The following NEGR1 variants were observed in gnomAD, a reference collection of about 807,000 sequenced individuals.
The protein encoded by NEGR1 is IgLON family member 4.
Under a neutral mutation model 40.9 loss-of-function variants are expected in NEGR1, and 10 were observed. The observed-to-expected ratio is 0.24, with a 90% CI of 0.15 to 0.42. NEGR1 has a LOEUF of 0.42. NEGR1 is among the 10% of genes least tolerant of loss of function. The pLI, the probability that NEGR1 is intolerant of heterozygous loss-of-function variation, is 1.00. For missense variants in NEGR1, 352 were observed against 438.9 expected, an observed-to-expected ratio of 0.80 and a Z score of 1.77; for synonymous variants, 185 against 166.8, an observed-to-expected ratio of 1.11 and a Z score of -0.84.
At chr1:71,745,869 T>C (rs1051977873) in intron 3 of NEGR1, among the ~76,000 whole-genome samples, 2 of 152,186 alleles carry the variant, frequency 1.3e-5, no homozygotes, top group Non-Finnish European at 2.9e-5. Flanking sequence ...TAATCTTGCA[T>C]CCTGCCTTTC....
chr1:71,695,886 T>C (rs1039875127), intron 4 of NEGR1, among the ~76,000 whole-genome samples: 4 of 151,820 alleles, frequency 2.6e-5, no homozygotes, highest in African/African-American at 9.7e-5. Context: ...GCTGCCATTA[T>C]ATATTTTTTT....
intron 1 of NEGR1, among the ~76,000 whole-genome samples, chr1:72,198,042 G>C (rs1028739303): frequency 5.9e-5 from 9 of 152,022 alleles, no homozygotes; most frequent in African/African-American, 2.2e-4. Context: ...GCTCTCTCCT[G>C]GTTGCTGAAA....
At chr1:72,111,110 ACG>A (rs1419842452) in intron 1 of NEGR1, among the ~76,000 whole-genome samples, 24 of 140,806 alleles carry the variant, frequency 1.7e-4, no homozygotes, top group Non-Finnish European at 2.9e-4. Context: ...ACACACACAC[ACG>A]TATATATATA....
At chr1:72,267,712 C>T (rs1271728072) in intron 1 of NEGR1, among the ~76,000 whole-genome samples, 3 of 151,076 alleles carry the variant, frequency 2.0e-5, no homozygotes, top group Admixed American at 6.6e-5. Flanking sequence ...TTAAAAATAT[C>T]GTTTGCTTTG....
At chr1:72,013,589 T>G (rs560607862) in intron 1 of NEGR1, among the ~76,000 whole-genome samples, 1 of 152,126 alleles carries the variant, frequency 6.6e-6, no homozygotes, top group South Asian at 2.1e-4. Context: ...ATAAGCACTA[T>G]AATTTGTAAT....
intron 6 of NEGR1, among the ~76,000 whole-genome samples, chr1:71,501,834 A>C (rs1647001362): frequency 6.6e-6 from 1 of 152,218 alleles, no homozygotes; most frequent in Non-Finnish European, 1.5e-5. Context: ...AATTATTATA[A>C]ATTGCACAAA....
chr1:72,104,726 GT>G (rs539964033), intron 1 of NEGR1, among the ~76,000 whole-genome samples: 50 of 152,122 alleles, frequency 3.3e-4, no homozygotes, highest in African/African-American at 1.0e-3. Flanking sequence ...CCTTGAATTT[GT>G]TTTTTAAATT....
intron 6 of NEGR1, chr1:71,422,584 G>A (rs1294315335): frequency 6.6e-6 from 1 of 152,156 alleles, no homozygotes; most frequent in Admixed American, 6.5e-5. Flanking sequence ...TCACTTACAG[G>A]ACGTGAAAAT....
At chr1:71,526,399 C>G (rs1647217358) in intron 6 of NEGR1, among the ~76,000 whole-genome samples, 2 of 151,494 alleles carry the variant, frequency 1.3e-5, no homozygotes, top group African/African-American at 2.4e-5. Flanking sequence ...TATGTCTGCA[C>G]AGTATACACA....
chr1:72,229,104 C>T (rs181858412), intron 1 of NEGR1, among the ~76,000 whole-genome samples: 6 of 152,012 alleles, frequency 3.9e-5, no homozygotes, highest in South Asian at 4.1e-4. Flanking sequence ...GCTGGCATTC[C>T]GTTATATGTA....
chr1:71,563,832 G>A (rs1007153371), intron 6 of NEGR1, among the ~76,000 whole-genome samples: 12 of 151,906 alleles, frequency 7.9e-5, no homozygotes, highest in Non-Finnish European at 1.5e-5. Context: ...AGAGCCCTGT[G>A]AAAGTTTGGG....
intron 2 of NEGR1, among the ~76,000 whole-genome samples, chr1:71,804,113 A>G (rs943372858): frequency 2.6e-5 from 4 of 152,176 alleles, no homozygotes; most frequent in Admixed American, 2.6e-4. Context: ...GGAGTCTAGT[A>G]TACAACCCTA....
intron 4 of NEGR1, among the ~76,000 whole-genome samples, chr1:71,617,537 T>C (rs1213007427): frequency 1.3e-5 from 2 of 152,192 alleles, no homozygotes; most frequent in African/African-American, 2.4e-5. Flanking sequence ...GAATTGGTTA[T>C]TTTGTGTTGG....
chr1:71,594,481 T>C (rs1052534076), intron 5 of NEGR1, among the ~76,000 whole-genome samples: 21 of 152,186 alleles, frequency 1.4e-4, no homozygotes, highest in African/African-American at 4.1e-4. Flanking sequence ...ACTCTGGGAA[T>C]TACTTATATT....
intron 6 of NEGR1, among the ~76,000 whole-genome samples, chr1:71,526,410 G>C (rs916493721): frequency 2.0e-5 from 3 of 151,446 alleles, no homozygotes; most frequent in Non-Finnish European, 3.0e-5. Flanking sequence ...AGTATACACA[G>C]TAATAGTATT....
rs1347123227 is a variant in NEGR1 at position 71,443,459 on chromosome 1, T to A, written c.941-35889A>T. ...ATCCACTTTTTTTAGTTATATGTTA[T>A]CTTCTCAGTGAAAGGGTTGCTGAGG... is the stretch of plus-strand genomic sequence containing the variant. On this transcript the variant is annotated intron_variant, in intron 6 of 6. Coordinates refer to ENST00000357731, the MANE Select transcript of NEGR1 (RefSeq NM_173808.3). Among the ~76,000 whole-genome samples, 4 of 152,222 alleles carry A rather than the reference T, an allele frequency of 2.6e-5. No homozygotes were observed. In the South Asian group the frequency reaches 8.3e-4, roughly 31 times the overall value.
chr1:72,001,088 A>G (rs750837537), intron 1 of NEGR1, among the ~76,000 whole-genome samples: 3 of 152,148 alleles, frequency 2.0e-5, no homozygotes, highest in Non-Finnish European at 2.9e-5. Context: ...AAGGGCCTGC[A>G]TGTGCACTAG....
intron 6 of NEGR1, among the ~76,000 whole-genome samples, chr1:71,585,351 T>C (rs1303289329): frequency 6.6e-6 from 1 of 152,118 alleles, no homozygotes; most frequent in Non-Finnish European, 1.5e-5. Flanking sequence ...ATTGGTATGC[T>C]GAGGCCAGGC....
intron 5 of NEGR1, among the ~76,000 whole-genome samples, chr1:71,606,790 T>C (rs1265243334): frequency 4.6e-5 from 7 of 152,110 alleles, no homozygotes; most frequent in Non-Finnish European, 8.8e-5. Flanking sequence ...CTTTCTTTTC[T>C]TTAAATTGTG....
Sources: gnomAD v4.1 joint callset for allele counts (sites outside exome capture counted in the v4.1 genomes callset) on GRCh38, gnomAD v4.1.1 for gene constraint, MANE v1.5 for transcripts, NCBI Gene and HGNC (gene_info 2026-07-23, HGNC 2026-07-21) for gene names.